Variants in ZPBP observed in about 807,000 individuals in gnomAD.
ZPBP encodes zona pellucida-binding protein 1.
A neutral mutation model predicts 44.8 loss-of-function variants in ZPBP; 26 were observed. That is an observed-to-expected ratio of 0.58 (90% confidence interval 0.43 to 0.81). The LOEUF is 0.81. Among genes scored for constraint, ZPBP ranks in the 30% least tolerant of loss-of-function variants. ZPBP has a pLI of 0.00. For synonymous variants in ZPBP, 174 were observed against 153.2 expected, an observed-to-expected ratio of 1.14 and a Z score of -1.00; for missense variants, 409 against 434.0, an observed-to-expected ratio of 0.94 and a Z score of 0.51.
At chr7:50,014,836 A>G (rs73336009) in intron 6 of ZPBP, among the ~76,000 whole-genome samples, 2,191 of 152,192 alleles carry the variant, frequency 0.014, 61 homozygotes, top group African/African-American at 0.05. Context: ...GCCAAAGTAA[A>G]TTTGGCCTTA....
At chr7:50,011,760 A>G (rs943179702) in intron 6 of ZPBP, among the ~76,000 whole-genome samples, 64 of 113,974 alleles carry the variant, frequency 5.6e-4, no homozygotes, top group African/African-American at 2.4e-3. Flanking sequence ...AGAATCAAAA[A>G]GAAAGAAGGG....
downstream of ZPBP, chr7:49,936,282 A>AAATAAAACACAATTT (rs1794618257): frequency 6.6e-6 from 1 of 152,224 alleles, no homozygotes; most frequent in East Asian, 1.9e-4. Context: ...ATTACATCAT[A>AAATAAAACACAATTT]ATGATGAAAA....
At chr7:50,085,109 C>T (rs1363023480) in intron 2 of ZPBP, among the ~76,000 whole-genome samples, 4 of 151,982 alleles carry the variant, frequency 2.6e-5, no homozygotes, top group Admixed American at 6.6e-5. Flanking sequence ...AGGCTGAGTA[C>T]AAATCCAATA....
At chr7:50,035,770 AAG>A (rs568080182) in intron 4 of ZPBP, among the ~76,000 whole-genome samples, 20 of 103,540 alleles carry the variant, frequency 1.9e-4, no homozygotes, top group Admixed American at 1.9e-3. Flanking sequence ...TAAGGATACA[AAG>A]AAGTATATGT....
At chr7:50,081,360 G>A (rs1802342495) in intron 3 of ZPBP, among the ~76,000 whole-genome samples, 1 of 151,638 alleles carries the variant, frequency 6.6e-6, no homozygotes, top group South Asian at 2.1e-4. Flanking sequence ...GTTAACTGTA[G>A]TTTTTTAAAA....
At chr7:50,046,912 T>C (rs1318938919) in intron 4 of ZPBP, among the ~76,000 whole-genome samples, 1 of 152,124 alleles carries the variant, frequency 6.6e-6, no homozygotes, top group African/African-American at 2.4e-5. Flanking sequence ...CCATCAATGA[T>C]AGGCTAGATA....
intron 5 of ZPBP, among the ~76,000 whole-genome samples, chr7:50,019,556 T>C (rs531603202): frequency 6.6e-6 from 1 of 152,250 alleles, no homozygotes; most frequent in East Asian, 1.9e-4. Context: ...ACCTAGTATG[T>C]CATGTAAAAT....
At chr7:50,072,010 C>A (rs959113788) in intron 3 of ZPBP, among the ~76,000 whole-genome samples, 63 of 152,186 alleles carry the variant, frequency 4.1e-4, no homozygotes, top group African/African-American at 1.5e-3. Flanking sequence ...CTAAAGGGCA[C>A]TTTGTCTTAT....
At chr7:49,870,577 G>A (rs960834420) in intron 2 of ZPBP, among the ~76,000 whole-genome samples, 2 of 152,128 alleles carry the variant, frequency 1.3e-5, no homozygotes, top group Non-Finnish European at 2.9e-5. Flanking sequence ...GCTGAATACA[G>A]GGCATGTCTT....
chr7:49,981,312 T>G (rs1393391430), intron 7 of ZPBP, among the ~76,000 whole-genome samples: 1 of 56,608 alleles, frequency 1.8e-5, no homozygotes, highest in Admixed American at 2.9e-4. Context: ...TATAATTATA[T>G]ATTATATAAT....
chr7:50,004,238 T>A (rs1437346975), intron 6 of ZPBP, among the ~76,000 whole-genome samples: 1 of 149,386 alleles, frequency 6.7e-6, no homozygotes, highest in Non-Finnish European at 1.5e-5. Flanking sequence ...TCTAGCTCTC[T>A]TTTTTTTTTC....
intron 2 of ZPBP, among the ~76,000 whole-genome samples, chr7:49,883,233 A>G (rs1791750482): frequency 6.6e-6 from 1 of 152,116 alleles, no homozygotes; most frequent in Admixed American, 6.6e-5. Context: ...AGCGGAACCT[A>G]ACCCAGGGAG....
Position 50,081,759 on chromosome 7 carries a change from G to T in ZPBP, c.334+15C>A. On this transcript the variant is annotated intron_variant, in intron 3 of 7. Coordinates refer to ENST00000046087, the MANE Select transcript of ZPBP (RefSeq NM_007009.3). ...ATACATTTATTTAATTACAATAATT[G>T]AAACAAAATCCTACCTGAAACAACT... 6.2e-7 allele frequency: 1 copy of T among 1,609,926 alleles called. No individual in the cohort carries two copies. The highest frequency in any genetic ancestry group is 8.5e-7 in the Non-Finnish European group (1 of 1,177,442).
chr7:50,086,833 G>A (rs1802680201), intron 2 of ZPBP, among the ~76,000 whole-genome samples: 1 of 151,876 alleles, frequency 6.6e-6, no homozygotes, highest in Non-Finnish European at 1.5e-5. Flanking sequence ...ACGTATCCAA[G>A]AATTCAATTA....
chr7:50,044,189 C>T (rs1800228946), intron 4 of ZPBP, among the ~76,000 whole-genome samples: 1 of 152,132 alleles, frequency 6.6e-6, no homozygotes, highest in African/African-American at 2.4e-5. Flanking sequence ...ATTTATAGCA[C>T]TAAATGTCCA....
At chr7:50,004,149 G>A (rs558253038) in intron 6 of ZPBP, among the ~76,000 whole-genome samples, 1 of 152,198 alleles carries the variant, frequency 6.6e-6, no homozygotes, top group East Asian at 1.9e-4. Context: ...CCTCAAAGTG[G>A]GTTGCACTTT....
At chr7:50,014,426 A>G (rs570985245) in intron 6 of ZPBP, among the ~76,000 whole-genome samples, 1 of 151,494 alleles carries the variant, frequency 6.6e-6, no homozygotes, top group South Asian at 2.1e-4. Flanking sequence ...CACTTAAGAA[A>G]TATATTTATT....
chr7:50,066,543 G>A (rs77860073), intron 3 of ZPBP, among the ~76,000 whole-genome samples: 375 of 152,270 alleles, frequency 2.5e-3, no homozygotes, highest in African/African-American at 8.6e-3. Context: ...AAACATTAGC[G>A]TAGGTAATAG....
At position 49,980,588 on chromosome 7, in the gene ZPBP, T is replaced by C. The variant is rs764586704; in HGVS notation, c.961+2754A>G. ...GGCAGAAGGTGAAAGGCAGCCTGAG[T>C]GTGCAGAACTCAAATGGTGAGAGAG... On this transcript the variant is annotated intron_variant, in intron 7 of 7. Transcript: ENST00000046087. Among the ~76,000 whole-genome samples, 211 of 151,752 alleles carry C rather than the reference T, an allele frequency of 1.4e-3. 1 individual carries two copies. Among genetic ancestry groups the C allele is most frequent in the Non-Finnish European group, 2.5e-3 (168 of 67,912 alleles).
Sources: gnomAD v4.1 joint callset for allele counts (sites outside exome capture counted in the v4.1 genomes callset) on GRCh38, gnomAD v4.1.1 for gene constraint, MANE v1.5 for transcripts, NCBI Gene and HGNC (gene_info 2026-07-23, HGNC 2026-07-21) for gene names.